EDC3: variants seen among roughly 807,000 people sequenced by gnomAD.
The protein encoded by EDC3 is enhancer of mRNA-decapping protein 3.
In EDC3, 20 loss-of-function variants were observed where a neutral mutation model predicts 41.8. The observed-to-expected ratio is 0.48, with a 90% CI of 0.34 to 0.70. The LOEUF is 0.70. EDC3 is among the 30% of genes least tolerant of loss of function. The pLI, the probability that EDC3 is intolerant of heterozygous loss-of-function variation, is 0.01. For synonymous variants in EDC3, 206 were observed against 243.2 expected (o/e 0.85, Z 1.42); for missense variants, 444 against 636.8 (o/e 0.70, Z 3.26).
At chr15:74,685,238 A>G (rs756666552) in intron 1 of EDC3, among the ~76,000 whole-genome samples, 1 of 152,062 alleles carries the variant, frequency 6.6e-6, no homozygotes, top group African/African-American at 2.4e-5. Flanking sequence ...CTGCAAAAAA[A>G]TTAAAAAAAC....
chr15:74,656,744 T>A (rs2062553718), intron 3 of EDC3, among the ~76,000 whole-genome samples: 1 of 152,122 alleles, frequency 6.6e-6, no homozygotes, highest in Admixed American at 6.6e-5. Flanking sequence ...CCCACTAGAA[T>A]GTTGTCTTTT....
chr15:74,666,138 C>A (rs576038658), intron 3 of EDC3, among the ~76,000 whole-genome samples: 5 of 152,110 alleles, frequency 3.3e-5, no homozygotes, highest in Non-Finnish European at 7.4e-5. Flanking sequence ...CTACTAGTCT[C>A]AATATCAATG....
At chr15:74,649,865 G>A (rs372525137) in intron 4 of EDC3, among the ~76,000 whole-genome samples, 34 of 150,928 alleles carry the variant, frequency 2.3e-4, no homozygotes, top group African/African-American at 7.3e-4. Context: ...AAAAAAGGGG[G>A]GGGGGGTCAC....
At chr15:74,642,419 C>T (rs542268392) in intron 4 of EDC3, 12 of 152,322 alleles carry the variant, frequency 7.9e-5, no homozygotes, top group African/African-American at 2.6e-4. Context: ...CCTTGCATGT[C>T]AACAGCTGAT....
At chr15:74,691,973 C>A (rs530019889) in intron 1 of EDC3, among the ~76,000 whole-genome samples, 94 of 152,234 alleles carry the variant, frequency 6.2e-4, no homozygotes, top group African/African-American at 2.0e-3. Context: ...CCCACCAACA[C>A]GCCCGGCTAA....
chr15:74,675,531 G>A, intron 1 of EDC3, among the ~76,000 whole-genome samples: 1 of 149,488 alleles, frequency 6.7e-6, no homozygotes, highest in African/African-American at 2.4e-5. Context: ...TGCCACTCTT[G>A]CTGATGATGA....
chr15:74,683,032 A>G lies in EDC3; in HGVS notation c.-18-7890T>C, dbSNP rs141620862. Reference sequence around the variant, plus strand: ...AGCGAAACTCTGTCTCAGAAAAAAAATAAAATAAAATACCCTGTACACAAG... The same window carrying G: ...AGCGAAACTCTGTCTCAGAAAAAAAGTAAAATAAAATACCCTGTACACAAG... On this transcript the variant is annotated intron_variant, in intron 1 of 6. Transcript: ENST00000315127. Among the ~76,000 whole-genome samples the G allele has an allele frequency of 4.0e-4, 61 of 152,326 alleles. 1 individual carries two copies. The highest frequency in any genetic ancestry group is 1.3e-3 in the African/African-American group (55 of 41,570).
intron 3 of EDC3, among the ~76,000 whole-genome samples, chr15:74,667,189 A>G (rs1423487965): frequency 6.6e-6 from 1 of 152,082 alleles, no homozygotes; most frequent in Non-Finnish European, 1.5e-5. Flanking sequence ...AGAAGGCTAG[A>G]AGGATCCATG....
At chr15:74,656,165 C>A in intron 3 of EDC3, 97 bp from the exon 4 acceptor site, 1 of 1,175,056 alleles carries the variant, frequency 8.5e-7, no homozygotes, top group Non-Finnish European at 1.2e-6. Context: ...GTTACAGGAA[C>A]CAATGTGAAA....
At chr15:74,680,871 C>T (rs1201390714) in intron 1 of EDC3, among the ~76,000 whole-genome samples, 2 of 151,648 alleles carry the variant, frequency 1.3e-5, no homozygotes, top group Non-Finnish European at 2.9e-5. Flanking sequence ...AATACAATAC[C>T]ATTTACAATT....
At chr15:74,674,114 A>T (rs2062774054) in intron 2 of EDC3, among the ~76,000 whole-genome samples, 1 of 152,000 alleles carries the variant, frequency 6.6e-6, no homozygotes, top group Non-Finnish European at 1.5e-5. Context: ...ATTTTTATTT[A>T]TTTTTTTACA....
chr15:74,650,508 C>G (rs1378302356), intron 4 of EDC3, among the ~76,000 whole-genome samples: 2 of 152,190 alleles, frequency 1.3e-5, no homozygotes, highest in Non-Finnish European at 2.9e-5. Flanking sequence ...CAGGACCTCT[C>G]CTGCCTCTCA....
At chr15:74,647,454 T>C (rs1170851313) in intron 4 of EDC3, among the ~76,000 whole-genome samples, 1 of 152,220 alleles carries the variant, frequency 6.6e-6, no homozygotes, top group Admixed American at 6.5e-5. Context: ...CAGGCTTTAA[T>C]GCACTAGGCT....
intron 1 of EDC3, among the ~76,000 whole-genome samples, chr15:74,694,170 A>G (rs935561352): frequency 6.6e-6 from 1 of 152,162 alleles, no homozygotes; most frequent in Non-Finnish European, 1.5e-5. Flanking sequence ...TCCATTTTGT[A>G]TTAATTACAG....
chr15:74,670,313 G>A (rs1445606269), intron 3 of EDC3, among the ~76,000 whole-genome samples: 1 of 152,044 alleles, frequency 6.6e-6, no homozygotes, highest in Non-Finnish European at 1.5e-5. Context: ...GTTATGATTC[G>A]CTATTGTAAC....
intron 6 of EDC3, among the ~76,000 whole-genome samples, chr15:74,634,761 ATC>A (rs1488602622): frequency 1.3e-5 from 2 of 151,602 alleles, no homozygotes; most frequent in Non-Finnish European, 2.9e-5. Context: ...AGCCACCATA[ATC>A]TCTCTCTCCC....
chr15:74,655,851 C>T lies in EDC3; in HGVS notation c.702G>A (p.Arg234=), dbSNP rs1001939113. The T allele has an allele frequency of 3.1e-6, 5 of 1,613,972 alleles. No homozygotes were observed. The African/African-American group carries it at 6.7e-5, about 22-fold the overall frequency. Residue 234 remains arginine (R), a synonymous_variant, in exon 4 of 7, where the codon CGG becomes CGA. Coordinates refer to ENST00000315127, the MANE Select transcript of EDC3 (RefSeq NM_025083.5). Reference sequence around the variant, plus strand: ...GAGTGGGCCTTTCATTTGGGATGCCCCGGGAACGGGTACCACTTCTCCTTT... The same window carrying T: ...GAGTGGGCCTTTCATTTGGGATGCCTCGGGAACGGGTACCACTTCTCCTTT... The part of the protein sequence containing the change: ...TYERRSGTRS[R]GIPNERPTRY...
chr15:74,636,192 T>G (rs1295226698), intron 5 of EDC3: 1 of 155,612 alleles, frequency 6.4e-6, no homozygotes, highest in Non-Finnish European at 1.4e-5. Flanking sequence ...ACCATAGCTC[T>G]CCATTCTCCT....
intron 1 of EDC3, among the ~76,000 whole-genome samples, chr15:74,676,364 G>C (rs895059510): frequency 2.6e-5 from 4 of 152,024 alleles, no homozygotes; most frequent in African/African-American, 4.8e-5. Flanking sequence ...AGATTAACCT[G>C]ATGTTAATAG....
Sources: gnomAD v4.1 joint callset for allele counts (sites outside exome capture counted in the v4.1 genomes callset) on GRCh38, gnomAD v4.1.1 for gene constraint, MANE v1.5 for transcripts, NCBI Gene and HGNC (gene_info 2026-07-23, HGNC 2026-07-21) for gene names.